LY75: variants seen among roughly 807,000 people sequenced by gnomAD.
LY75 encodes the protein C-type lectin domain family 13 member B.
In LY75, 185 loss-of-function variants were observed where a neutral mutation model predicts 231.7. The observed-to-expected ratio is 0.80, with a 90% CI of 0.71 to 0.90. LY75 has a LOEUF of 0.90. Among genes scored for constraint, LY75 ranks in the 40% least tolerant of loss-of-function variants. LY75 has a pLI of 0.00. For missense variants in LY75, 1,947 were observed against 2,050.2 expected (o/e 0.95, Z 0.97); for synonymous variants, 668 against 689.0 (o/e 0.97, Z 0.48).
rs1198859047 is a variant in LY75 at position 159,886,431 on chromosome 2, T to C, written c.902A>G (p.Asn301Ser). 1.9e-6 allele frequency: 3 copies of C among 1,607,510 alleles called. No individual in the cohort carries two copies. Among genetic ancestry groups the C allele is most frequent in the Middle Eastern group, 1.7e-4 (1 of 6,008 alleles). The stretch of plus-strand genomic sequence containing the variant: ...GAAAGAGCAGTTACCTGGATCCCAG[T>C]TGAGAAAGTTTAATGGTTTGTGGTC... ...WSDHKPLNFLNWDPDRPSAPT... is the reference protein window; with the variant it reads ...WSDHKPLNFLSWDPDRPSAPT... The change falls in exon 5 of 35, where the codon AAC becomes AGC. Residue 301 changes from asparagine to serine, a missense_variant. Transcript: ENST00000263636.
intron 27 of LY75, among the ~76,000 whole-genome samples, chr2:159,832,241 A>G (rs1280281120): frequency 2.0e-5 from 3 of 152,210 alleles, no homozygotes; most frequent in African/African-American, 7.2e-5. Context: ...CCTGTTAGGA[A>G]CCGGGCCATA....
chr2:159,903,855 A>G (rs1329733433), intron 1 of LY75, among the ~76,000 whole-genome samples: 16 of 152,194 alleles, frequency 1.1e-4, no homozygotes, highest in African/African-American at 4.8e-5. Flanking sequence ...CTGAACATCA[A>G]TGAAGGCTGT....
rs766045305 is a variant in LY75, at chr2:159,858,458, G to A, written c.2287C>T (p.Arg763Ter). ...AAVKVFHRPW[R>*]RGWHFYDDRE... ...TCATCATAGAAATGCCAGCCTCTTC[G>A]CCATGGCCTATGAAATACCTATAAG... The change falls in exon 16 of 35, where the codon CGA becomes TGA. Residue 763 changes from arginine (R) to a stop codon, truncating the protein, a stop_gained. Transcript: ENST00000263636. LOFTEE classifies it high-confidence loss of function. 9 of 1,612,036 alleles carry A rather than the reference G, an allele frequency of 5.6e-6. No individual in the cohort carries two copies. Among genetic ancestry groups the A allele is most frequent in the East Asian group, 4.5e-5 (2 of 44,760 alleles).
intron 25 of LY75, among the ~76,000 whole-genome samples, chr2:159,839,776 C>A (rs1371063212): frequency 1.3e-5 from 2 of 151,922 alleles, no homozygotes; most frequent in Non-Finnish European, 2.9e-5. Flanking sequence ...GAGCCTGGGG[C>A]GGGCGGATCA....
chr2:159,867,981 G>T (rs1159943192), intron 13 of LY75, among the ~76,000 whole-genome samples: 1 of 152,184 alleles, frequency 6.6e-6, no homozygotes, highest in Non-Finnish European at 1.5e-5. Context: ...TACACAATTT[G>T]GGCAATGGAT....
At chr2:159,831,920 A>G (rs1683674575) in intron 27 of LY75, 134 bp from the exon 28 acceptor site, 1 of 695,076 alleles carries the variant, frequency 1.4e-6, no homozygotes, top group Non-Finnish European at 2.2e-6. Context: ...TTAGAAACAT[A>G]TGTAAAATAA....
At chr2:159,884,928 C>A (rs146872027) in intron 6 of LY75, among the ~76,000 whole-genome samples, 35 of 152,044 alleles carry the variant, frequency 2.3e-4, no homozygotes, top group Non-Finnish European at 4.1e-4. Context: ...TTCTTCTGGG[C>A]GCATACATAT....
chr2:159,848,249 T>C (rs1469562736), intron 23 of LY75, among the ~76,000 whole-genome samples: 4 of 151,846 alleles, frequency 2.6e-5, no homozygotes, highest in African/African-American at 9.7e-5. Context: ...TTAATGGCAT[T>C]CACAGCAACC....
intron 28 of LY75, among the ~76,000 whole-genome samples, chr2:159,821,088 T>C (rs1238825086): frequency 1.3e-5 from 2 of 152,170 alleles, no homozygotes; most frequent in African/African-American, 4.8e-5. Context: ...TCCATCCGCC[T>C]TGGCCTCCCA....
chr2:159,816,735 C>A, intron 30 of LY75, 71 bp downstream of exon 30: 2 of 1,584,990 alleles, frequency 1.3e-6, no homozygotes, highest in Admixed American at 3.5e-5. Context: ...TGTGTTAATA[C>A]TTTACGCTCA....
At chr2:159,830,890 C>A (rs1322808433) in intron 28 of LY75, among the ~76,000 whole-genome samples, 1 of 152,156 alleles carries the variant, frequency 6.6e-6, no homozygotes, top group Non-Finnish European at 1.5e-5. Flanking sequence ...CCATGTGTCT[C>A]ATTTTTCTAA....
intron 2 of LY75, among the ~76,000 whole-genome samples, chr2:159,898,204 C>T (rs896643902): frequency 6.6e-6 from 1 of 152,212 alleles, no homozygotes. Flanking sequence ...CCTTGAACTC[C>T]TGTGTGCTCA....
chr2:159,840,775 G>C lies in LY75; in HGVS notation c.3461C>G (p.Ala1154Gly). Residue 1154 changes from alanine (A) to glycine (G), a missense_variant, in exon 25 of 35, where the codon GCG (alanine) becomes GGG (glycine). Physicochemically the swap from Ala to Gly is moderately conservative, Grantham distance 60. Coordinates refer to ENST00000263636, the MANE Select transcript of LY75 (RefSeq NM_002349.4). ...CCATAAGGAAGAGTTGTGAAGGAGC[G>C]CCTGCACACTGAGGAATGCCTGCTG... ...PYQQAFLSVQ[A>G]LLHNSSLWIG... 1 of 1,614,024 alleles carries C rather than the reference G, an allele frequency of 6.2e-7. No homozygotes were observed. The highest frequency in any genetic ancestry group is 8.5e-7 in the Non-Finnish European group (1 of 1,179,956).
intron 15 of LY75, among the ~76,000 whole-genome samples, chr2:159,859,164 G>A (rs138134280): frequency 5.6e-4 from 85 of 152,266 alleles, no homozygotes; most frequent in African/African-American, 1.9e-3. Context: ...ACAGTTTATT[G>A]TACCAGTGTT....
At chr2:159,889,034 T>C (rs1005840613) in intron 4 of LY75, among the ~76,000 whole-genome samples, 23 of 152,284 alleles carry the variant, frequency 1.5e-4, no homozygotes, top group African/African-American at 5.3e-4. Context: ...GAATAACTCA[T>C]CAGGGACTCA....
intron 31 of LY75, among the ~76,000 whole-genome samples, chr2:159,815,033 C>T (rs1560062710): frequency 7.4e-6 from 1 of 134,566 alleles, no homozygotes; most frequent in East Asian, 2.2e-4. Context: ...CGGAGTCTTG[C>T]TCTGTCTCCC....
intron 19 of LY75, 131 bp from the exon 20 acceptor site, chr2:159,853,483 C>A: frequency 6.8e-7 from 1 of 1,460,440 alleles, no homozygotes; most frequent in Non-Finnish European, 9.3e-7. Flanking sequence ...TTTCTTGATG[C>A]TAACATGCAA....
At chr2:159,903,571 G>A (rs966020366) in intron 1 of LY75, 1 of 152,186 alleles carries the variant, frequency 6.6e-6, no homozygotes, top group East Asian at 1.9e-4. Context: ...ATCGCTCTCC[G>A]AAGGAAGTCT....
chr2:159,808,728 A>C, intron 32 of LY75, 157 bp from the exon 33 acceptor site: 3 of 655,844 alleles, frequency 4.6e-6, no homozygotes, highest in Non-Finnish European at 5.7e-6. Context: ...TATTTAGGTC[A>C]AAATTTTATA....
Sources: gnomAD v4.1 joint callset for allele counts (sites outside exome capture counted in the v4.1 genomes callset) on GRCh38, gnomAD v4.1.1 for gene constraint, MANE v1.5 for transcripts, NCBI Gene and HGNC (gene_info 2026-07-23, HGNC 2026-07-21) for gene names.